The following ABCG2 variants were observed in gnomAD, a reference collection of about 807,000 sequenced individuals.
The protein encoded by ABCG2 is ATP binding cassette subfamily G member 2 (JR blood group).
Under a neutral mutation model 73.5 loss-of-function variants are expected in ABCG2, and 80 were observed. The observed-to-expected ratio is 1.09, with a 90% CI of 0.91 to 1.31. The LOEUF (loss-of-function observed/expected upper bound fraction) is 1.31. Ranked by LOEUF, ABCG2 falls within the 50% of genes most tolerant of loss-of-function variation. ABCG2 has a pLI of 0.00. For synonymous variants in ABCG2, 269 were observed against 282.4 expected (o/e 0.95, Z 0.48); for missense variants, 796 against 786.2 (o/e 1.01, Z -0.15).
At chr4:88,203,826 G>C (rs1729278634) in intron 1 of ABCG2, among the ~76,000 whole-genome samples, 1 of 150,678 alleles carries the variant, frequency 6.6e-6, no homozygotes, top group Non-Finnish European at 1.5e-5. Flanking sequence ...AAGGCAAAAG[G>C]CAACTACATT....
chr4:88,225,335 A>G (rs1730167751), intron 1 of ABCG2, among the ~76,000 whole-genome samples: 1 of 152,128 alleles, frequency 6.6e-6, no homozygotes, highest in African/African-American at 2.4e-5. Flanking sequence ...AGCAGGAAGG[A>G]TTTGTCACAA....
intron 1 of ABCG2, among the ~76,000 whole-genome samples, chr4:88,142,791 A>G (rs1725731218): frequency 6.6e-6 from 1 of 152,138 alleles, no homozygotes; most frequent in Non-Finnish European, 1.5e-5. Flanking sequence ...TATCAAAAAT[A>G]CAAAAAAGTA....
At chr4:88,193,260 T>G (rs895646730) in intron 1 of ABCG2, among the ~76,000 whole-genome samples, 1 of 152,046 alleles carries the variant, frequency 6.6e-6, no homozygotes, top group African/African-American at 2.4e-5. Flanking sequence ...AATTATAAGA[T>G]GAACAAAACA....
intron 1 of ABCG2, among the ~76,000 whole-genome samples, chr4:88,211,363 A>T (rs6821527): frequency 2.1e-5 from 1 of 47,530 alleles, no homozygotes; most frequent in African/African-American, 7.6e-5. Context: ...CCCCTGCCCC[A>T]CCCCCCCCCA....
chr4:88,212,151 G>T (rs183560669), intron 1 of ABCG2, among the ~76,000 whole-genome samples: 8 of 152,236 alleles, frequency 5.3e-5, no homozygotes, highest in Admixed American at 2.0e-4. Flanking sequence ...CTGGACTCTG[G>T]CGCCCTCTTG....
At chr4:88,213,090 G>GA (rs1454421934) in intron 1 of ABCG2, among the ~76,000 whole-genome samples, 1 of 152,064 alleles carries the variant, frequency 6.6e-6, no homozygotes, top group Non-Finnish European at 1.5e-5. Context: ...TCTTTGTAGG[G>GA]ACGGGGTCTC....
intron 1 of ABCG2, among the ~76,000 whole-genome samples, chr4:88,213,575 T>C (rs1729684178): frequency 1.3e-5 from 2 of 152,074 alleles, no homozygotes; most frequent in Non-Finnish European, 2.9e-5. Context: ...ACAGCACTTT[T>C]CCCCTTTCTC....
chr4:88,117,485 A>C (rs34659435), intron 7 of ABCG2, among the ~76,000 whole-genome samples: 1 of 151,962 alleles, frequency 6.6e-6, no homozygotes, highest in Non-Finnish European at 1.5e-5. Flanking sequence ...AAATACAAAA[A>C]AATTAGCCGG....
chr4:88,155,013 C>T (rs972910658), intron 1 of ABCG2, among the ~76,000 whole-genome samples: 1 of 152,084 alleles, frequency 6.6e-6, no homozygotes, highest in Admixed American at 6.6e-5. Flanking sequence ...ATTCTGACTG[C>T]ACAGCCCTGC....
At chr4:88,206,370 T>C (rs956795235) in intron 1 of ABCG2, 1 of 152,184 alleles carries the variant, frequency 6.6e-6, no homozygotes, top group Non-Finnish European at 1.5e-5. Context: ...CTTTTTCCAC[T>C]CTTTTTCTTC....
chr4:88,138,248 A>G (rs1427840784), intron 2 of ABCG2, among the ~76,000 whole-genome samples: 1 of 152,216 alleles, frequency 6.6e-6, no homozygotes, highest in Non-Finnish European at 1.5e-5. Flanking sequence ...GGACATCCAC[A>G]TATCTATGGG....
rs1578161973 is a variant in ABCG2 at position 88,092,305 on chromosome 4, A to G, written c.1897T>C (p.Leu633=). 6.2e-7 allele frequency: 1 copy of G among 1,613,866 alleles called. No homozygotes were observed. The highest frequency in any genetic ancestry group is 1.1e-5 in the South Asian group (1 of 90,992). The change falls in exon 16 of 16, where the codon TTG becomes CTG. Residue 633 remains leucine, a synonymous_variant. Transcript: ENST00000237612. ...AGGAAAATAACAATCATACAAGCCA[A>G]GGCCACGTGATTCTTCCACAAGCCC... The part of the protein sequence containing the change: ...PWGLWKNHVA[L]ACMIVIFLTI...
intron 1 of ABCG2, among the ~76,000 whole-genome samples, chr4:88,169,913 C>T (rs1356700913): frequency 6.6e-5 from 10 of 152,012 alleles, no homozygotes; most frequent in Admixed American, 6.6e-4. Flanking sequence ...GAGTTCGAGA[C>T]CAGCCTGGCC....
chr4:88,112,982 C>T (rs889770460), intron 9 of ABCG2, among the ~76,000 whole-genome samples: 13 of 152,008 alleles, frequency 8.6e-5, no homozygotes, highest in Admixed American at 1.3e-4. Context: ...TGGTGGGACA[C>T]GCCTGTAGTC....
At chr4:88,170,667 A>G (rs1181455846) in intron 1 of ABCG2, among the ~76,000 whole-genome samples, 1 of 152,246 alleles carries the variant, frequency 6.6e-6, no homozygotes, top group Non-Finnish European at 1.5e-5. Context: ...TGGAAAGTGG[A>G]AATTTTTGTA....
In ABCG2 at chr4:88,091,903, G is replaced by A. The variant is rs1721664560; in HGVS notation, c.*331C>T. The A allele has an allele frequency of 4.9e-6, 1 of 205,320 alleles. No homozygotes were observed. The highest frequency in any genetic ancestry group is 9.9e-6 in the Non-Finnish European group (1 of 101,104). The allele number at this position is 205,320 out of a possible 1,614,324, so 12.7% of individuals were successfully genotyped here. On this transcript the variant is annotated 3_prime_UTR_variant, in exon 16 of 16. Coordinates refer to ENST00000237612, the MANE Select transcript of ABCG2 (RefSeq NM_004827.3). The stretch of plus-strand genomic sequence containing the variant: ...TACTAACCTACCTATTCATTTTAAA[G>A]ATGAGGAAACAAATGCCAGAGACAG...
chr4:88,223,712 T>G (rs551982042), intron 1 of ABCG2: 4 of 152,786 alleles, frequency 2.6e-5, no homozygotes, highest in Non-Finnish European at 5.9e-5. Context: ...ATGATCATGA[T>G]GATTACAGCA....
chr4:88,107,911 T>C (rs1007254127), intron 9 of ABCG2, among the ~76,000 whole-genome samples: 1 of 152,176 alleles, frequency 6.6e-6, no homozygotes, highest in Non-Finnish European at 1.5e-5. Context: ...CCAAAGCATT[T>C]GGCCGGCTTT....
chr4:88,158,341 T>C (rs1578243497), intron 1 of ABCG2, 45 bp downstream of exon 1: 1 of 352,858 alleles, frequency 2.8e-6, no homozygotes, highest in Non-Finnish European at 5.6e-6. Context: ...CACCAACCTT[T>C]CCAGACACAC....
Sources: allele counts gnomAD v4.1 joint callset (sites outside exome capture counted in the v4.1 genomes callset), GRCh38; gene constraint gnomAD v4.1.1; transcripts MANE v1.5; gene names NCBI Gene and HGNC (gene_info 2026-07-23, HGNC 2026-07-21).